The following MDN1 variants were observed in gnomAD, a reference collection of about 807,000 sequenced individuals.
MDN1 encodes midasin AAA ATPase 1.
MDN1 carries 266 observed loss-of-function variants against 669.2 expected under a neutral mutation model. The ratio of observed to expected loss-of-function variants is 0.40; its 90% confidence interval spans 0.36 to 0.44. The LOEUF is 0.44. Among genes scored for constraint, MDN1 ranks in the 20% least tolerant of loss-of-function variants. MDN1 has a pLI of 1.00. For synonymous variants in MDN1, 2,385 were observed against 2,457.1 expected, an observed-to-expected ratio of 0.97 and a Z score of 0.87; for missense variants, 5,940 against 6,754.0, an observed-to-expected ratio of 0.88 and a Z score of 4.22.
chr6:89,710,622 T>A, intron 50 of MDN1, 59 bp downstream of exon 50: 2 of 994,090 alleles, frequency 2.0e-6, no homozygotes, highest in Non-Finnish European at 2.9e-6. Context: ...CTTTTCCCCA[T>A]AAAGTCAAAA....
intron 44 of MDN1, 89 bp downstream of exon 44, chr6:89,716,561 A>C: frequency 7.0e-7 from 1 of 1,437,704 alleles, no homozygotes; most frequent in Non-Finnish European, 9.3e-7. Context: ...CAGTAGCTTC[A>C]AAATACCAGC....
At chr6:89,673,662 C>A in intron 79 of MDN1, 200 bp from the exon 80 acceptor site, 1 of 567,916 alleles carries the variant, frequency 1.8e-6, no homozygotes, top group South Asian at 2.5e-5. Context: ...TAATTTGATT[C>A]TATTACTAAA....
At chr6:89,722,873 G>A (rs1488969468) in intron 40 of MDN1, 82 bp downstream of exon 40, 3 of 1,096,484 alleles carry the variant, frequency 2.7e-6, no homozygotes, top group Non-Finnish European at 2.5e-6. Context: ...AAAAAGGCTT[G>A]CAATTAGTGT....
intron 31 of MDN1, 141 bp from the exon 32 acceptor site, chr6:89,740,519 T>A: frequency 1.2e-6 from 1 of 812,990 alleles, no homozygotes; most frequent in African/African-American, 1.8e-5. Context: ...CTATCACAAA[T>A]TTTAAAATGA....
chr6:89,769,220 AT>A (rs1817965152), intron 15 of MDN1, among the ~76,000 whole-genome samples: 1 of 152,176 alleles, frequency 6.6e-6, no homozygotes, highest in South Asian at 2.1e-4. Context: ...CCACAGCTGA[AT>A]TTTGTTCTCC....
intron 15 of MDN1, among the ~76,000 whole-genome samples, chr6:89,770,473 A>G (rs1410552776): frequency 6.6e-6 from 1 of 152,100 alleles, no homozygotes; most frequent in African/African-American, 2.4e-5. Context: ...GAAAAATCAT[A>G]TATATTAATA....
At position 89,692,672 on chromosome 6, in the gene MDN1, T is replaced by C. The variant is rs1399620459; in HGVS notation, c.10358A>G (p.Tyr3453Cys). ...PSVGPTFPTYYAHADTLCSVK... is the reference protein window; with the variant it reads ...PSVGPTFPTYCAHADTLCSVK... The stretch of plus-strand genomic sequence containing the variant: ...CGAGCACAAAGTGTCTGCATGAGCA[T>C]AGTAAGTCGGGAAGGTGGGGCCCAC... The change falls in exon 63 of 102, where the codon TAT (tyrosine) becomes TGT (cysteine). Residue 3453 changes from tyrosine to cysteine, a missense_variant. Transcript: ENST00000369393. The C allele has an allele frequency of 3.7e-6, 6 of 1,614,148 alleles. No homozygotes were observed. The highest frequency in any genetic ancestry group is 1.6e-4 in the Middle Eastern group (1 of 6,062).
At chr6:89,813,022 C>T (rs1208259679) in intron 1 of MDN1, among the ~76,000 whole-genome samples, 1 of 152,034 alleles carries the variant, frequency 6.6e-6, no homozygotes, top group Non-Finnish European at 1.5e-5. Context: ...CTCACCACAA[C>T]CTCTGCCTCC....
At chr6:89,794,927 T>G (rs948408058) in intron 2 of MDN1, 126 bp from the exon 3 acceptor site, 3 of 788,870 alleles carry the variant, frequency 3.8e-6, no homozygotes, top group Non-Finnish European at 6.0e-6. Flanking sequence ...AAAAGGAGTA[T>G]CTATATTTTC....
At chr6:89,686,018 G>A (rs1811979193) in intron 69 of MDN1, 45 bp from the exon 70 acceptor site, 1 of 1,584,078 alleles carries the variant, frequency 6.3e-7, no homozygotes, top group Non-Finnish European at 8.6e-7. Context: ...CTTCGACCAT[G>A]ACTCCCTATT....
In MDN1 at chr6:89,674,369, G is replaced by T. The variant is rs748656784; in HGVS notation, c.12982C>A (p.Gln4328Lys). 16 of 1,614,204 alleles carry T rather than the reference G, an allele frequency of 9.9e-6. No homozygotes were observed. Among genetic ancestry groups the T allele is most frequent in the Middle Eastern group, 3.3e-4 (2 of 6,062 alleles). The change falls in exon 79 of 102, where the codon CAG (glutamine) becomes AAG (lysine). Residue 4328 changes from glutamine (Q) to lysine (K), a missense_variant. Physicochemically the swap from Gln to Lys is moderately conservative, Grantham distance 53 (BLOSUM62 1). Transcript: ENST00000369393. ...PGHGNVQVLG[Q>K]PPGPCLEGPE... ...CCTTCCAGGCAGGGGCCAGGAGGCTGCCCCAGTACCTGGACATTGCCATGG... is the reference window on the plus strand; with the variant it reads ...CCTTCCAGGCAGGGGCCAGGAGGCTTCCCCAGTACCTGGACATTGCCATGG...
chr6:89,646,466 G>C (rs2128297333), intron 100 of MDN1, 74 bp downstream of exon 100: 1 of 1,285,932 alleles, frequency 7.8e-7, no homozygotes, highest in Non-Finnish European at 1.1e-6. Flanking sequence ...GGGACACTGA[G>C]CTGAAGCAAG....
chr6:89,701,359 TAA>T (rs1813149579), intron 55 of MDN1, among the ~76,000 whole-genome samples, 197 bp downstream of exon 55: 1 of 152,250 alleles, frequency 6.6e-6, no homozygotes, highest in Non-Finnish European at 1.5e-5. Flanking sequence ...CCATTTTATA[TAA>T]AAGTCTTGGA....
chr6:89,707,038 T>A (rs1813563038), intron 52 of MDN1, among the ~76,000 whole-genome samples: 1 of 152,212 alleles, frequency 6.6e-6, no homozygotes, highest in Admixed American at 6.5e-5. Flanking sequence ...TTCAAGTGGC[T>A]CTGTTACTTG....
At chr6:89,754,921 C>CAAATATTTTCA (rs980054316) in intron 20 of MDN1, among the ~76,000 whole-genome samples, 2 of 152,228 alleles carry the variant, frequency 1.3e-5, no homozygotes, top group East Asian at 3.9e-4. Context: ...CAAAAATACA[C>CAAATATTTTCA]AAATATTTTC....
Position 89,701,635 on chromosome 6 carries a change from A to C in MDN1, c.8350T>G (p.Cys2784Gly), listed in dbSNP as rs1490835435. ...AAGCCACCAGTCTGGCTCCCCAGAC[A>C]ATTCTGAATATGTTCTGAGACAGTC... Reference protein sequence around the residue: ...VQTVSEHIQNCLGSQTGGFAG... With the variant: ...VQTVSEHIQNGLGSQTGGFAG... Residue 2784 changes from cysteine (C) to glycine (G), a missense_variant, in exon 55 of 102, where the codon TGT (cysteine) becomes GGT (glycine). By Grantham distance (159) the Cys-to-Gly change is radical (BLOSUM62 -3). Transcript: ENST00000369393. The C allele has an allele frequency of 1.3e-5, 21 of 1,614,020 alleles. No homozygotes were observed. Among genetic ancestry groups the C allele is most frequent in the Non-Finnish European group, 1.7e-5 (20 of 1,179,960 alleles).
intron 34 of MDN1, 56 bp downstream of exon 34, chr6:89,732,501 T>C (rs982328780): frequency 6.6e-7 from 1 of 1,506,214 alleles, no homozygotes; most frequent in Non-Finnish European, 9.1e-7. Context: ...GCTTGCTCCT[T>C]TTCCTATGCC....
chr6:89,785,474 T>G (rs964948157), intron 8 of MDN1, among the ~76,000 whole-genome samples: 2 of 152,236 alleles, frequency 1.3e-5, no homozygotes, highest in Non-Finnish European at 2.9e-5. Context: ...CCAAGGCTCA[T>G]AGCATTAACA....
At chr6:89,703,231 C>T (rs891005429) in intron 53 of MDN1, among the ~76,000 whole-genome samples, 3 of 152,138 alleles carry the variant, frequency 2.0e-5, no homozygotes, top group African/African-American at 4.8e-5. Context: ...AGCCACTGTG[C>T]CTGGCTAGGC....
Sources: gnomAD v4.1 joint callset for allele counts (sites outside exome capture counted in the v4.1 genomes callset) on GRCh38, gnomAD v4.1.1 for gene constraint, MANE v1.5 for transcripts, NCBI Gene and HGNC (gene_info 2026-07-23, HGNC 2026-07-21) for gene names.